ITGA9: variants seen among roughly 807,000 people sequenced by gnomAD.
The protein encoded by ITGA9 is integrin alpha-9.
Under a neutral mutation model 127.8 loss-of-function variants are expected in ITGA9, and 56 were observed. The observed-to-expected ratio is 0.44, with a 90% CI of 0.35 to 0.55. The LOEUF (loss-of-function observed/expected upper bound fraction) is 0.55, where lower values mean the gene tolerates loss of function less well. Among genes scored for constraint, ITGA9 ranks in the 20% least tolerant of loss-of-function variants. The pLI is 0.00. For missense variants in ITGA9, 1,196 were observed against 1,347.1 expected, an observed-to-expected ratio of 0.89 and a Z score of 1.76; for synonymous variants, 508 against 514.5, an observed-to-expected ratio of 0.99 and a Z score of 0.17.
chr3:37,657,647 A>T (rs1248101016), intron 17 of ITGA9, among the ~76,000 whole-genome samples: 3 of 144,420 alleles, frequency 2.1e-5, no homozygotes, highest in African/African-American at 5.1e-5. Context: ...CAGCTCCTGG[A>T]TTTGTTTATT....
chr3:37,642,560 C>T (rs948121075), intron 16 of ITGA9, among the ~76,000 whole-genome samples: 1 of 152,314 alleles, frequency 6.6e-6, no homozygotes, highest in African/African-American at 2.4e-5. Flanking sequence ...TCTGTAATCC[C>T]TCTGGGAATT....
intron 18 of ITGA9, among the ~76,000 whole-genome samples, chr3:37,698,420 G>A (rs1438707398): frequency 6.6e-6 from 1 of 152,188 alleles, no homozygotes; most frequent in Non-Finnish European, 1.5e-5. Flanking sequence ...CTATGCCTAT[G>A]TCCTGAATGA....
chr3:37,535,585 A>C (rs1041118826), intron 14 of ITGA9, among the ~76,000 whole-genome samples: 12 of 152,154 alleles, frequency 7.9e-5, no homozygotes, highest in Admixed American at 7.2e-4. Flanking sequence ...CTTGTACTGT[A>C]CCTTGTGGGC....
chr3:37,454,160 AG>A (rs1179819933), intron 1 of ITGA9, among the ~76,000 whole-genome samples: 10 of 152,218 alleles, frequency 6.6e-5, no homozygotes, highest in African/African-American at 2.4e-4. Context: ...CAGCCAAGCC[AG>A]CCGGAGCATT....
At chr3:37,620,380 G>T (rs566835008) in intron 15 of ITGA9, among the ~76,000 whole-genome samples, 1 of 152,076 alleles carries the variant, frequency 6.6e-6, no homozygotes, top group Admixed American at 6.5e-5. Context: ...CCCCTCCCCC[G>T]TGATCTTGCC....
At chr3:37,471,714 A>T (rs169110) in intron 2 of ITGA9, among the ~76,000 whole-genome samples, 1 of 152,114 alleles carries the variant, frequency 6.6e-6, no homozygotes, top group Non-Finnish European at 1.5e-5. Flanking sequence ...AATTTTGGGT[A>T]TTACATTTTA....
intron 15 of ITGA9, among the ~76,000 whole-genome samples, chr3:37,586,680 T>C (rs895568572): frequency 1.3e-5 from 2 of 152,234 alleles, no homozygotes; most frequent in Non-Finnish European, 2.9e-5. Flanking sequence ...AATTATTGTA[T>C]TGGGGAAAAC....
In ITGA9 at chr3:37,819,281, A is replaced by C; in HGVS notation, c.*292A>C. 1 of 460,542 alleles carries C rather than the reference A, an allele frequency of 2.2e-6. No homozygotes were observed. Among genetic ancestry groups the C allele is most frequent in the Non-Finnish European group, 3.9e-6 (1 of 255,232 alleles). 28.5% of individuals were successfully genotyped at this position (460,542 alleles called of 1,614,324 possible). A position where few individuals can be genotyped will look rare whatever the true frequency, so the allele number is the denominator to read the frequency against. On this transcript the variant is annotated 3_prime_UTR_variant, in exon 28 of 28. Coordinates refer to ENST00000264741, the MANE Select transcript of ITGA9 (RefSeq NM_002207.3). ...ACGCATGGTCAACCCTCAGGGGAAAACTGTTACCTAAAGTATTTTTATAAA... is the reference window on the plus strand; with the variant it reads ...ACGCATGGTCAACCCTCAGGGGAAACCTGTTACCTAAAGTATTTTTATAAA...
chr3:37,469,845 G>GAGTGC (rs894190258), intron 1 of ITGA9, among the ~76,000 whole-genome samples: 1 of 152,126 alleles, frequency 6.6e-6, no homozygotes, highest in African/African-American at 2.4e-5. Context: ...GCCCAGACTG[G>GAGTGC]AGTGCAGTGG....
chr3:37,547,639 A>AC (rs1413655185), intron 15 of ITGA9, among the ~76,000 whole-genome samples: 1 of 152,166 alleles, frequency 6.6e-6, no homozygotes, highest in African/African-American at 2.4e-5. Context: ...AGAAAGAAAA[A>AC]CAGCAAAAGT....
At chr3:37,741,125 G>A (rs537675547) in intron 20 of ITGA9, among the ~76,000 whole-genome samples, 5 of 152,146 alleles carry the variant, frequency 3.3e-5, no homozygotes, top group African/African-American at 4.8e-5. Flanking sequence ...CACAGTAGGT[G>A]CCCTGCCCAT....
At chr3:37,493,868 C>T (rs778844550) in intron 4 of ITGA9, among the ~76,000 whole-genome samples, 9 of 152,198 alleles carry the variant, frequency 5.9e-5, no homozygotes, top group Non-Finnish European at 1.2e-4. Context: ...AGCAGCAGAA[C>T]GCCCCCATTT....
At chr3:37,713,650 C>G (rs1315424431) in intron 18 of ITGA9, among the ~76,000 whole-genome samples, 1 of 152,234 alleles carries the variant, frequency 6.6e-6, no homozygotes, top group Non-Finnish European at 1.5e-5. Flanking sequence ...GGCAGGAAAT[C>G]TGAACCTGCT....
At chr3:37,804,408 C>T (rs541156890) in intron 27 of ITGA9, among the ~76,000 whole-genome samples, 1 of 152,330 alleles carries the variant, frequency 6.6e-6, no homozygotes, top group South Asian at 2.1e-4. Context: ...CATAACTTCT[C>T]CCAACCTCAT....
chr3:37,524,732 A>G (rs1288576776), intron 12 of ITGA9, among the ~76,000 whole-genome samples: 1 of 152,212 alleles, frequency 6.6e-6, no homozygotes, highest in South Asian at 2.1e-4. Context: ...GCTGAGACTC[A>G]TTGTGAGGGG....
At chr3:37,765,159 CACCCCT>C (rs1696765969) in intron 23 of ITGA9, among the ~76,000 whole-genome samples, 1 of 152,100 alleles carries the variant, frequency 6.6e-6, no homozygotes, top group Admixed American at 6.5e-5. Context: ...GACACACAGT[CACCCCT>C]TGTATCTCCT....
intron 15 of ITGA9, among the ~76,000 whole-genome samples, chr3:37,550,840 A>T (rs1315172314): frequency 6.6e-6 from 1 of 152,218 alleles, no homozygotes. Context: ...GCTCCAGCAC[A>T]CAACTGAATA....
At chr3:37,805,047 A>G (rs1697279688) in intron 27 of ITGA9, among the ~76,000 whole-genome samples, 1 of 150,596 alleles carries the variant, frequency 6.6e-6, no homozygotes, top group Non-Finnish European at 1.5e-5. Flanking sequence ...AGTACCTCTA[A>G]ATTTAAAAGC....
chr3:37,758,352 A>AAAAAAAAAAAT (rs1696681388), intron 23 of ITGA9, among the ~76,000 whole-genome samples: 1 of 144,830 alleles, frequency 6.9e-6, no homozygotes, highest in African/African-American at 2.6e-5. Context: ...AAAAAAAAAA[A>AAAAAAAAAAAT]ATTGCAAATT....
Sources: gnomAD v4.1 joint callset for allele counts (sites outside exome capture counted in the v4.1 genomes callset) on GRCh38, gnomAD v4.1.1 for gene constraint, MANE v1.5 for transcripts, NCBI Gene and HGNC (gene_info 2026-07-23, HGNC 2026-07-21) for gene names.